SUMO2: variants seen among roughly 807,000 people sequenced by gnomAD.
The protein encoded by SUMO2 is small ubiquitin-related modifier 2.
SUMO2 carries 1 observed loss-of-function variant against 16.0 expected under a neutral mutation model. The observed-to-expected ratio is 0.06, with a 90% CI of 0.02 to 0.30. The LOEUF (loss-of-function observed/expected upper bound fraction) is 0.30. Among genes scored for constraint, SUMO2 ranks in the 10% least tolerant of loss-of-function variants. The pLI is 1.00. For synonymous variants in SUMO2, 36 were observed against 40.6 expected, an observed-to-expected ratio of 0.89 and a Z score of 0.43; for missense variants, 16 against 117.5, an observed-to-expected ratio of 0.14 and a Z score of 3.99.
chr17:75,174,035 T>A (rs2074762583), intron 3 of SUMO2, among the ~76,000 whole-genome samples: 1 of 152,196 alleles, frequency 6.6e-6, no homozygotes, highest in African/African-American at 2.4e-5. Flanking sequence ...GGGCTATTAG[T>A]TCCTTTTTGT....
chr17:75,176,151 T>G (rs1217225779), intron 2 of SUMO2, among the ~76,000 whole-genome samples: 2 of 151,994 alleles, frequency 1.3e-5, no homozygotes, highest in Non-Finnish European at 2.9e-5. Flanking sequence ...GTGACTTTCC[T>G]GCCTCAGCCT....
rs2074700599 is a variant in SUMO2, at chr17:75,167,277, G to A, written c.*1062C>T. Reference sequence around the variant, plus strand: ...CTACACTCCAGCCTGGGCAACAAGAGGAAAACTCCGTCTCAAAAAAAAAAT... The same window carrying A: ...CTACACTCCAGCCTGGGCAACAAGAAGAAAACTCCGTCTCAAAAAAAAAAT... On this transcript the variant is annotated 3_prime_UTR_variant, in exon 4 of 4. Transcript: ENST00000420826. 6.6e-6 allele frequency: 1 copy of A among 151,680 alleles called. No homozygotes were observed. The highest frequency in any genetic ancestry group is 2.4e-5 in the African/African-American group (1 of 41,274). 9.4% of individuals were successfully genotyped at this position (151,680 alleles called of 1,614,324 possible).
rs2074825176 is a variant in SUMO2, at chr17:75,181,044, A to G, written c.153+13T>C. 3.7e-6 allele frequency: 6 copies of G among 1,613,648 alleles called. No individual in the cohort carries two copies. Among genetic ancestry groups the G allele is most frequent in the Non-Finnish European group, 5.1e-6 (6 of 1,179,802 alleles). On this transcript the variant is annotated intron_variant, in intron 2 of 3. Coordinates refer to ENST00000420826, the MANE Select transcript of SUMO2 (RefSeq NM_006937.4). ...AGTTTTATTCAGTGGAAGTACACATATGAATTCCTCACCTGTCGTTCACAA... is the reference window on the plus strand; with the variant it reads ...AGTTTTATTCAGTGGAAGTACACATGTGAATTCCTCACCTGTCGTTCACAA...
intron 1 of SUMO2, among the ~76,000 whole-genome samples, chr17:75,181,605 G>C (rs975035246): frequency 6.6e-6 from 1 of 151,996 alleles, no homozygotes; most frequent in Non-Finnish European, 1.5e-5. Flanking sequence ...TAAATCTACA[G>C]CCTGCCATTC....
intron 3 of SUMO2, among the ~76,000 whole-genome samples, chr17:75,172,496 T>C (rs938345680): frequency 2.7e-5 from 4 of 150,644 alleles, no homozygotes; most frequent in Non-Finnish European, 5.9e-5. Context: ...AATTTTTTTT[T>C]TTTTTTTTTG....
intron 3 of SUMO2, among the ~76,000 whole-genome samples, chr17:75,168,690 C>T (rs1179541824): frequency 6.6e-6 from 1 of 152,026 alleles, no homozygotes; most frequent in Non-Finnish European, 1.5e-5. Context: ...GCAACGTCCA[C>T]CCCTCAGGTT....
rs34254735 is a variant in SUMO2, at chr17:75,169,848, C to CAA, written c.226-1449_226-1448dup. Among the ~76,000 whole-genome samples the CAA allele has an allele frequency of 8.5e-3, 599 of 70,610 alleles. 15 individuals are homozygous for CAA. Among genetic ancestry groups the CAA allele is most frequent in the African/African-American group, 0.03 (558 of 18,602 alleles). 46.3% of individuals were successfully genotyped at this position (70,610 alleles called of 152,430 possible). A position where few individuals can be genotyped will look rare whatever the true frequency, so the allele number is the denominator to read the frequency against. On this transcript the variant is annotated intron_variant, in intron 3 of 3. Coordinates refer to ENST00000420826, the MANE Select transcript of SUMO2 (RefSeq NM_006937.4). ...CCGGTGACAGAGTGAGACTTGGTCT[C>CAA]AAAAAAAAAAAAAAAGGTGGGGGGG...
chr17:75,170,676 C>G (rs2074730421), intron 3 of SUMO2, among the ~76,000 whole-genome samples: 1 of 151,718 alleles, frequency 6.6e-6, no homozygotes, highest in Non-Finnish European at 1.5e-5. Context: ...TAGTGAAACC[C>G]CGTCTCTACT....
At chr17:75,174,887 T>A (rs1451883328) in intron 2 of SUMO2, 64 bp from the exon 3 acceptor site, 1 of 1,395,638 alleles carries the variant, frequency 7.2e-7, no homozygotes, top group Admixed American at 2.0e-5. Context: ...TACATAAAAG[T>A]ACATGCATAT....
chr17:75,168,936 T>G (rs960473611), intron 3 of SUMO2, among the ~76,000 whole-genome samples: 1 of 151,748 alleles, frequency 6.6e-6, no homozygotes, highest in Non-Finnish European at 1.5e-5. Flanking sequence ...AAGCAGAATA[T>G]TAGCCAGGTG....
At chr17:75,171,274 A>ACC (rs2074736471) in intron 3 of SUMO2, among the ~76,000 whole-genome samples, 1 of 151,744 alleles carries the variant, frequency 6.6e-6, no homozygotes, top group Non-Finnish European at 1.5e-5. Context: ...GATTACAGGC[A>ACC]TGCGCCATCA....
chr17:75,171,498 G>A (rs2035253), intron 3 of SUMO2, among the ~76,000 whole-genome samples: 148,776 of 151,496 alleles, frequency 0.98, 73,114 homozygotes, highest in East Asian at 1. Flanking sequence ...TGGGAGACAG[G>A]GCAAAACTCC....
chr17:75,175,202 C>T (rs1244187034), intron 2 of SUMO2, among the ~76,000 whole-genome samples: 1 of 152,088 alleles, frequency 6.6e-6, no homozygotes, highest in Non-Finnish European at 1.5e-5. Context: ...AGGCTGGTCT[C>T]GAACTCCTAA....
At chr17:75,169,583 C>T (rs1272129559) in intron 3 of SUMO2, among the ~76,000 whole-genome samples, 1 of 151,836 alleles carries the variant, frequency 6.6e-6, no homozygotes, top group Non-Finnish European at 1.5e-5. Context: ...CGGGGTTTCA[C>T]CGTGTTAGCC....
intron 2 of SUMO2, among the ~76,000 whole-genome samples, chr17:75,179,007 C>A (rs1428938845): frequency 6.6e-6 from 1 of 152,190 alleles, no homozygotes; most frequent in East Asian, 1.9e-4. Flanking sequence ...CCAGACTGGT[C>A]TTCCAGCCTT....
At chr17:75,174,081 A>C (rs190086285) in intron 3 of SUMO2, among the ~76,000 whole-genome samples, 29 of 152,304 alleles carry the variant, frequency 1.9e-4, no homozygotes, top group African/African-American at 7.0e-4. Context: ...TCAATTCAGC[A>C]TGTAGAACTA....
intron 2 of SUMO2, among the ~76,000 whole-genome samples, chr17:75,180,267 T>C (rs1460980458): frequency 6.6e-6 from 1 of 151,422 alleles, no homozygotes; most frequent in African/African-American, 2.4e-5. Context: ...TGAGCCAAGA[T>C]TGCACCACTG....
At position 75,182,959 on chromosome 17, in the gene SUMO2, G is replaced by C. The variant is rs1019685492; in HGVS notation, c.-125C>G. The C allele has an allele frequency of 1.1e-5, 9 of 828,670 alleles. 1 individual carries two copies. Among genetic ancestry groups the C allele is most frequent in the African/African-American group, 7.2e-5 (4 of 55,222 alleles). The allele number at this position is 828,670 out of a possible 1,614,324, so 51.3% of individuals were successfully genotyped here. ...GGCGGCAGCGGTGGACGAGGGGAGA[G>C]GGTGCGCGCACGTCGTGCGCTCCCT... On this transcript the variant is annotated 5_prime_UTR_variant, in exon 1 of 4. Coordinates refer to ENST00000420826, the MANE Select transcript of SUMO2 (RefSeq NM_006937.4).
chr17:75,168,413 GAAAA>G lies in SUMO2; in HGVS notation c.226-16_226-13del. 1 of 1,600,262 alleles carries G rather than the reference GAAAA, an allele frequency of 6.2e-7. No homozygotes were observed. The highest frequency in any genetic ancestry group is 1.1e-5 in the South Asian group (1 of 88,284). On this transcript the variant is annotated splice_polypyrimidine_tract_variant and intron_variant, in intron 3 of 3. Coordinates refer to ENST00000420826, the MANE Select transcript of SUMO2 (RefSeq NM_006937.4). Reference sequence around the variant, plus strand: ...TCCTCCATTTCCAACTAGCATAAAAGAAAAAACAAATGTAAAAGCACTGATTAAG... The same window carrying G: ...TCCTCCATTTCCAACTAGCATAAAAGAACAAATGTAAAAGCACTGATTAAG...
Sources: gnomAD v4.1 joint callset for allele counts (sites outside exome capture counted in the v4.1 genomes callset) on GRCh38, gnomAD v4.1.1 for gene constraint, MANE v1.5 for transcripts, NCBI Gene and HGNC (gene_info 2026-07-23, HGNC 2026-07-21) for gene names.